The following SNTG1 variants were observed in gnomAD, a reference collection of about 807,000 sequenced individuals.
SNTG1 encodes the protein gamma-1-syntrophin.
A neutral mutation model predicts 74.7 loss-of-function variants in SNTG1; 39 were observed. The ratio of observed to expected loss-of-function variants is 0.52; its 90% CI spans 0.40 to 0.68. SNTG1 has a LOEUF of 0.68. Among genes scored for constraint, SNTG1 ranks in the 30% least tolerant of loss-of-function variants. The pLI is 0.00. For synonymous variants in SNTG1, 254 were observed against 217.1 expected (o/e 1.17, Z -1.49); for missense variants, 685 against 609.5 (o/e 1.12, Z -1.30).
chr8:50,587,962 A>T (rs1224838024), intron 12 of SNTG1, among the ~76,000 whole-genome samples: 2 of 151,096 alleles, frequency 1.3e-5, no homozygotes, highest in East Asian at 2.0e-4. Context: ...ATTAAAAAAT[A>T]AAAAAAAATT....
chr8:50,483,853 A>G (rs1008557970), intron 8 of SNTG1, among the ~76,000 whole-genome samples: 7 of 152,170 alleles, frequency 4.6e-5, no homozygotes, highest in African/African-American at 1.4e-4. Flanking sequence ...ACAAAATTCT[A>G]TTAAAATAAG....
chr8:50,692,444 C>A (rs1029623091), intron 15 of SNTG1, among the ~76,000 whole-genome samples: 2 of 152,052 alleles, frequency 1.3e-5, no homozygotes, highest in African/African-American at 4.8e-5. Context: ...GATGTCCTTT[C>A]TATTTGTTAG....
At chr8:50,366,783 G>A (rs960879638) in intron 2 of SNTG1, among the ~76,000 whole-genome samples, 12 of 135,640 alleles carry the variant, frequency 8.8e-5, no homozygotes, top group South Asian at 2.4e-4. Context: ...GAACCAATAT[G>A]GAAGATATAA....
intron 2 of SNTG1, among the ~76,000 whole-genome samples, chr8:50,218,299 G>T (rs894766455): frequency 1.3e-5 from 2 of 151,888 alleles, no homozygotes; most frequent in Admixed American, 6.6e-5. Flanking sequence ...GTTACGCTTT[G>T]CTTCCAACAA....
chr8:50,295,462 C>A (rs191917798), intron 2 of SNTG1, among the ~76,000 whole-genome samples: 1 of 151,980 alleles, frequency 6.6e-6, no homozygotes, highest in Non-Finnish European at 1.5e-5. Context: ...CTTTGAAATA[C>A]GATTTTTTAT....
intron 5 of SNTG1, among the ~76,000 whole-genome samples, chr8:50,441,640 T>G (rs2093358687): frequency 6.6e-6 from 1 of 152,212 alleles, no homozygotes; most frequent in South Asian, 2.1e-4. Context: ...TTTTCAAATT[T>G]TGTCTAGTTT....
At chr8:50,783,624 G>A (rs2095666493) in intron 18 of SNTG1, among the ~76,000 whole-genome samples, 1 of 152,196 alleles carries the variant, frequency 6.6e-6, no homozygotes, top group Non-Finnish European at 1.5e-5. Flanking sequence ...ACTAGGAAAG[G>A]GAACTCCCTG....
chr8:49,938,603 T>TTTTTTTTCTTTTCTTTTTC lies in SNTG1; in HGVS notation c.-103+26375_-103+26376insTTTTCTTTTCTTTTTCTTT, dbSNP rs1554524905. Among the ~76,000 whole-genome samples, 22 of 74,766 alleles carry TTTTTTTTCTTTTCTTTTTC rather than the reference T, an allele frequency of 2.9e-4. 1 individual carries two copies. The highest frequency in any genetic ancestry group is 9.9e-4 in the African/African-American group (22 of 22,138). The allele number at this position is 74,766 out of a possible 152,430, so 49.0% of individuals were successfully genotyped here. ...TTTTCTTTTCTTTTCTTTTCTTTTCTTTTCTTTCTTTCTTTCTTTCTTTCT... is the reference window on the plus strand; with the variant it reads ...TTTTCTTTTCTTTTCTTTTCTTTTCTTTTTTTTCTTTTCTTTTTCTTTCTTTCTTTCTTTCTTTCTTTCT... On this transcript the variant is annotated intron_variant, in intron 1 of 18. Coordinates refer to ENST00000642720, the MANE Select transcript of SNTG1 (RefSeq NM_018967.5).
At chr8:50,320,409 A>T (rs1387310409) in intron 2 of SNTG1, among the ~76,000 whole-genome samples, 1 of 151,824 alleles carries the variant, frequency 6.6e-6, no homozygotes, top group African/African-American at 2.4e-5. Flanking sequence ...TCTTTTTTTC[A>T]TAGTTAGTCT....
intron 2 of SNTG1, among the ~76,000 whole-genome samples, chr8:50,303,665 T>C (rs1379664377): frequency 6.6e-6 from 1 of 152,010 alleles, no homozygotes; most frequent in Non-Finnish European, 1.5e-5. Flanking sequence ...AAAAGTCTTT[T>C]TGGTCTTTTG....
intron 12 of SNTG1, among the ~76,000 whole-genome samples, chr8:50,575,456 G>C (rs775443635): frequency 6.6e-6 from 1 of 152,084 alleles, no homozygotes; most frequent in Non-Finnish European, 1.5e-5. Context: ...GTGGCATCTT[G>C]AGTGACTGCA....
At chr8:50,202,579 T>C (rs1251370354) in intron 2 of SNTG1, among the ~76,000 whole-genome samples, 1 of 152,174 alleles carries the variant, frequency 6.6e-6, no homozygotes, top group Admixed American at 6.6e-5. Context: ...ACCCACAGTT[T>C]TTTTATCCAT....
At chr8:50,594,094 C>T (rs1411993134) in intron 13 of SNTG1, among the ~76,000 whole-genome samples, 1 of 152,016 alleles carries the variant, frequency 6.6e-6, no homozygotes, top group Non-Finnish European at 1.5e-5. Context: ...AGATGAAAGG[C>T]GGGACAGTTG....
chr8:50,623,148 A>C (rs1222286471), intron 13 of SNTG1, among the ~76,000 whole-genome samples: 1 of 152,070 alleles, frequency 6.6e-6, no homozygotes, highest in Non-Finnish European at 1.5e-5. Context: ...TCTCCTTTAC[A>C]ACTTAGACAC....
intron 1 of SNTG1, among the ~76,000 whole-genome samples, chr8:50,132,306 A>T (rs1169123705): frequency 6.6e-6 from 1 of 152,074 alleles, no homozygotes; most frequent in Non-Finnish European, 1.5e-5. Context: ...TAAGTCTGAA[A>T]TCTTATCTAT....
chr8:50,063,045 A>G (rs1820610182), intron 1 of SNTG1, among the ~76,000 whole-genome samples: 1 of 152,228 alleles, frequency 6.6e-6, no homozygotes, highest in African/African-American at 2.4e-5. Context: ...CAGACCCATA[A>G]TGACACAAGT....
intron 16 of SNTG1, chr8:50,708,674 C>T: frequency 1.9e-6 from 1 of 535,122 alleles, no homozygotes; most frequent in Non-Finnish European, 3.3e-6. Flanking sequence ...CTCGGCGGGG[C>T]ATACACCTTG....
intron 2 of SNTG1, among the ~76,000 whole-genome samples, chr8:50,346,325 G>C (rs576104873): frequency 6.6e-6 from 1 of 152,240 alleles, no homozygotes; most frequent in African/African-American, 2.4e-5. Flanking sequence ...CGTGATCTTT[G>C]ATGTTACTGG....
At chr8:50,196,863 T>A (rs896045190) in intron 2 of SNTG1, among the ~76,000 whole-genome samples, 1 of 150,626 alleles carries the variant, frequency 6.6e-6, no homozygotes, top group Admixed American at 6.6e-5. Flanking sequence ...GCACCTGTAA[T>A]CCCAGCTACT....
Sources: gnomAD v4.1 joint callset for allele counts (sites outside exome capture counted in the v4.1 genomes callset) on GRCh38, gnomAD v4.1.1 for gene constraint, MANE v1.5 for transcripts, NCBI Gene and HGNC (gene_info 2026-07-23, HGNC 2026-07-21) for gene names.